The following TIAL1 variants were observed in gnomAD, a reference collection of about 807,000 sequenced individuals.
TIAL1 encodes TIA1 cytotoxic granule associated RNA binding protein like 1.
In TIAL1, 7 loss-of-function variants were observed where a neutral mutation model predicts 59.7. The observed-to-expected ratio is 0.12, with a 90% CI of 0.07 to 0.22. The LOEUF (loss-of-function observed/expected upper bound fraction) is 0.22. TIAL1 is among the 10% of genes least tolerant of loss of function. TIAL1 has a pLI of 1.00. For synonymous variants in TIAL1, 149 were observed against 146.3 expected, an observed-to-expected ratio of 1.02 and a Z score of -0.13; for missense variants, 225 against 462.5, an observed-to-expected ratio of 0.49 and a Z score of 4.71.
intron 5 of TIAL1, 30 bp from the exon 6 acceptor site, chr10:119,580,040 A>C: frequency 2.6e-6 from 4 of 1,561,468 alleles, no homozygotes; most frequent in Non-Finnish European, 3.5e-6. Flanking sequence ...TAAATGAGGG[A>C]AGTAAGAGCC....
intron 2 of TIAL1, 121 bp downstream of exon 2, chr10:119,588,031 A>G: frequency 1.8e-6 from 1 of 540,832 alleles, no homozygotes; most frequent in Middle Eastern, 2.9e-4. Context: ...AATCAAAGTA[A>G]TAAGTCAACA....
chr10:119,584,417 G>A (rs1354494045), intron 2 of TIAL1, among the ~76,000 whole-genome samples: 2 of 152,004 alleles, frequency 1.3e-5, no homozygotes, highest in South Asian at 2.1e-4. Context: ...GGGGAAAAAG[G>A]ATTTTTCACA....
chr10:119,580,157 C>A, intron 5 of TIAL1, 147 bp from the exon 6 acceptor site: 1 of 570,734 alleles, frequency 1.8e-6, no homozygotes. Flanking sequence ...TGAACTCTCC[C>A]TAATGCTTCT....
chr10:119,592,530 G>T (rs1302774864), intron 1 of TIAL1, among the ~76,000 whole-genome samples: 2 of 152,084 alleles, frequency 1.3e-5, no homozygotes, highest in African/African-American at 4.8e-5. Context: ...CCCTACCAAG[G>T]CTGAAATTAT....
At chr10:119,592,386 T>C (rs1845925681) in intron 1 of TIAL1, 1 of 152,194 alleles carries the variant, frequency 6.6e-6, no homozygotes, top group African/African-American at 2.4e-5. Flanking sequence ...AGTTTCACAG[T>C]AGGCAGAAAT....
Position 119,596,530 on chromosome 10 carries a change from G to A in TIAL1, c.-65C>T. 1 of 472,038 alleles carries A rather than the reference G, an allele frequency of 2.1e-6. No individual in the cohort carries two copies. Among genetic ancestry groups the A allele is most frequent in the South Asian group, 1.9e-5 (1 of 51,914 alleles). 29.2% of individuals were successfully genotyped at this position (472,038 alleles called of 1,614,324 possible). On this transcript the variant is annotated 5_prime_UTR_variant, in exon 1 of 12. Transcript: ENST00000436547. ...CAGGGTTGGGGAGGGGAGGGGGTGG[G>A]GAGGAAGGGGAGGGGGGCTCTGGGC...
intron 1 of TIAL1, among the ~76,000 whole-genome samples, chr10:119,590,788 G>GAAAA (rs748159366): frequency 2.1e-5 from 3 of 146,006 alleles, no homozygotes; most frequent in Non-Finnish European, 4.4e-5. Context: ...AAGAAAGAAA[G>GAAAA]AAAGAAAGAA....
chr10:119,582,723 CTT>C lies in TIAL1; in HGVS notation c.130-168_130-167del. ...AAATAAGATTTAAAGCTAAACCTGA[CTT>C]TGCACCTCAGAATACTGCTGAACTC... is the stretch of plus-strand genomic sequence containing the variant. On this transcript the variant is annotated intron_variant, in intron 2 of 11. Transcript: ENST00000436547. This position sits in a 1 kb window ranked among gnomAD's most constrained non-coding sequence, Gnocchi z 5.1. 1 of 1,079,782 alleles carries C rather than the reference CTT, an allele frequency of 9.3e-7. No individual in the cohort carries two copies. The highest frequency in any genetic ancestry group is 3.3e-5 in the Admixed American group (1 of 29,942). The allele number at this position is 1,079,782 out of a possible 1,614,324, so 66.9% of individuals were successfully genotyped here.
At chr10:119,578,476 T>C (rs182162655) in intron 7 of TIAL1, among the ~76,000 whole-genome samples, 38 of 151,500 alleles carry the variant, frequency 2.5e-4, no homozygotes, top group South Asian at 4.2e-4. Context: ...ATAAAAAAAT[T>C]ACAAATTAGC....
At chr10:119,589,650 G>C (rs1386843061) in intron 1 of TIAL1, among the ~76,000 whole-genome samples, 1 of 152,058 alleles carries the variant, frequency 6.6e-6, no homozygotes, top group African/African-American at 2.4e-5. Flanking sequence ...AATTGAATGT[G>C]TTTTGTGTAA....
At chr10:119,581,727 ACCC>A in intron 5 of TIAL1, 192 bp downstream of exon 5, 1 of 459,968 alleles carries the variant, frequency 2.2e-6, no homozygotes, top group East Asian at 3.2e-5. Context: ...TGAAAACGAG[ACCC>A]CAAGACACTG....
rs564376766 is a variant in TIAL1, at chr10:119,582,625, G to C, written c.130-68C>G. 1.3e-6 allele frequency: 2 copies of C among 1,583,484 alleles called. No homozygotes were observed. Among genetic ancestry groups the C allele is most frequent in the Non-Finnish European group, 1.7e-6 (2 of 1,169,520 alleles). ...ATCGGGTTGCTGAGAAGAAAATCCA[G>C]GAAAAAACATTACTGATAGCTGGGA... On this transcript the variant is annotated intron_variant, in intron 2 of 11. Transcript: ENST00000436547. The surrounding 1 kb of genome is among the most constrained non-coding windows in gnomAD (Gnocchi z 5.1).
At chr10:119,585,251 A>G (rs1845507339) in intron 2 of TIAL1, among the ~76,000 whole-genome samples, 1 of 152,110 alleles carries the variant, frequency 6.6e-6, no homozygotes, top group African/African-American at 2.4e-5. Context: ...AGGACCAGCC[A>G]GAAGTTCGGG....
chr10:119,574,599 A>AAAAAAAAAC lies in TIAL1; in HGVS notation c.*1057_*1065dup, dbSNP rs1844879276. 3 of 150,472 alleles carry AAAAAAAAAC rather than the reference A, an allele frequency of 2.0e-5. No individual in the cohort carries two copies. Among genetic ancestry groups the AAAAAAAAAC allele is most frequent in the African/African-American group, 7.4e-5 (3 of 40,564 alleles). The allele number at this position is 150,472 out of a possible 1,614,324, so 9.3% of individuals were successfully genotyped here. A position where few individuals can be genotyped will look rare whatever the true frequency, so the allele number is the denominator to read the frequency against. The stretch of plus-strand genomic sequence containing the variant: ...AGTAATGTAAAGCAAAAAAAAAAAA[A>AAAAAAAAAC]AAAAAAAACAAAAACAAAAAACTAA... On this transcript the variant is annotated 3_prime_UTR_variant, in exon 12 of 12. Coordinates refer to ENST00000436547, the MANE Select transcript of TIAL1 (RefSeq NM_003252.4).
chr10:119,581,809 G>C (rs1358210546), intron 5 of TIAL1, 113 bp downstream of exon 5: 2 of 806,372 alleles, frequency 2.5e-6, no homozygotes, highest in Non-Finnish European at 3.8e-6. Context: ...TGAAAAATAA[G>C]AAACAAAACA....
At position 119,596,823 on chromosome 10, in the gene TIAL1, G is replaced by A. The variant is rs911759560; in HGVS notation, c.-358C>T. ...CGAGGAAACCCTGGGACCCGCTCAC[G>A]ACGGATCACGTCGTCGCTGTGGGCC... On this transcript the variant is annotated 5_prime_UTR_variant, in exon 1 of 12. Coordinates refer to ENST00000436547, the MANE Select transcript of TIAL1 (RefSeq NM_003252.4). 2.3e-5 allele frequency: 7 copies of A among 302,658 alleles called. No individual in the cohort carries two copies. In the South Asian group the frequency reaches 2.4e-4, roughly 11 times the overall value. The allele number at this position is 302,658 out of a possible 1,614,324, so 18.7% of individuals were successfully genotyped here. A position where few individuals can be genotyped will look rare whatever the true frequency, so the allele number is the denominator to read the frequency against.
chr10:119,592,490 C>T (rs1055095094), intron 1 of TIAL1, among the ~76,000 whole-genome samples: 1 of 152,182 alleles, frequency 6.6e-6, no homozygotes, highest in Non-Finnish European at 1.5e-5. Context: ...TTTTTCAACA[C>T]TGAATGTGCT....
chr10:119,578,666 T>C (rs1845151144), intron 7 of TIAL1, 60 bp downstream of exon 7: 2 of 1,355,824 alleles, frequency 1.5e-6, no homozygotes, highest in Middle Eastern at 1.8e-4. Context: ...ACTAGATGAA[T>C]ACATGATACA....
chr10:119,587,756 C>T (rs559419737), intron 2 of TIAL1, among the ~76,000 whole-genome samples: 4 of 152,148 alleles, frequency 2.6e-5, no homozygotes, highest in African/African-American at 4.8e-5. Context: ...TACAGACACA[C>T]GAGACGAACG....
Sources: gnomAD v4.1 joint callset for allele counts (sites outside exome capture counted in the v4.1 genomes callset) on GRCh38, gnomAD v4.1.1 for gene constraint, Gnocchi (gnomAD v3.1) non-coding constraint, MANE v1.5 for transcripts, NCBI Gene and HGNC (gene_info 2026-07-23, HGNC 2026-07-21) for gene names.